FRY: variants seen among roughly 807,000 people sequenced by gnomAD.
The protein encoded by FRY is protein furry homolog.
FRY carries 128 observed loss-of-function variants against 348.4 expected under a neutral mutation model. That is an observed-to-expected ratio of 0.37 (90% CI 0.32 to 0.43). The LOEUF (loss-of-function observed/expected upper bound fraction) is 0.43. Ranked by LOEUF, FRY falls within the 20% of genes least tolerant of loss-of-function variation. FRY has a pLI of 1.00. For missense variants in FRY, 2,736 were observed against 3,695.2 expected (o/e 0.74, Z 6.73); for synonymous variants, 1,370 against 1,374.7 (o/e 1.00, Z 0.08).
intron 3 of FRY, among the ~76,000 whole-genome samples, chr13:32,115,921 C>G (rs74046717): frequency 6.6e-6 from 1 of 151,938 alleles, no homozygotes; most frequent in African/African-American, 2.4e-5. Flanking sequence ...GGAATCATAC[C>G]AATTAAATGA....
intron 31 of FRY, among the ~76,000 whole-genome samples, chr13:32,202,946 CAA>C (rs11354597): frequency 1.4e-3 from 194 of 136,470 alleles, no homozygotes; most frequent in African/African-American, 3.2e-3. Context: ...GAGACAGTCT[CAA>C]AAAAAAAAAA....
intron 59 of FRY, among the ~76,000 whole-genome samples, chr13:32,289,956 C>T (rs962457624): frequency 6.6e-6 from 1 of 152,138 alleles, no homozygotes; most frequent in Non-Finnish European, 1.5e-5. Context: ...TGAGGTGCCT[C>T]AAAATTTAAG....
intron 1 of FRY, among the ~76,000 whole-genome samples, chr13:32,062,881 A>G (rs1593572357): frequency 6.6e-6 from 1 of 152,042 alleles, no homozygotes; most frequent in African/African-American, 2.4e-5. Flanking sequence ...GCATATATAT[A>G]CCATCACATA....
At chr13:32,130,801 A>T (rs1420502975) in intron 7 of FRY, among the ~76,000 whole-genome samples, 2 of 146,058 alleles carry the variant, frequency 1.4e-5, no homozygotes, top group East Asian at 4.2e-4. Flanking sequence ...TATAATTTAA[A>T]TTTTCCCATT....
At position 32,274,852 on chromosome 13, in the gene FRY, A is replaced by G; in HGVS notation, c.8147A>G (p.Lys2716Arg). ...VFSSLFKNIQ[K>R]RFCFLTCDAA... Reference sequence around the variant, plus strand: ...TATTTTGCCTTGCAGAATATTCAGAAAAGGTTCTGCTTCCTAACCTGTGAT... The same window carrying G: ...TATTTTGCCTTGCAGAATATTCAGAGAAGGTTCTGCTTCCTAACCTGTGAT... The change falls in exon 56 of 61, where the codon AAA (lysine) becomes AGA (arginine). Residue 2716 changes from lysine to arginine, a missense_variant. By Grantham distance (26) the Lys-to-Arg change is conservative. Transcript: ENST00000542859. 1 of 1,613,366 alleles carries G rather than the reference A, an allele frequency of 6.2e-7. No individual in the cohort carries two copies. The highest frequency in any genetic ancestry group is 8.5e-7 in the Non-Finnish European group (1 of 1,179,312).
intron 1 of FRY, among the ~76,000 whole-genome samples, chr13:32,069,871 AC>A (rs1874516285): frequency 5.1e-5 from 3 of 58,318 alleles, no homozygotes; most frequent in Non-Finnish European, 1.1e-4. Flanking sequence ...CCAGACCCCC[AC>A]CCCCCAAGAG....
At chr13:32,156,377 A>T (rs1223717967) in intron 15 of FRY, among the ~76,000 whole-genome samples, 1 of 152,088 alleles carries the variant, frequency 6.6e-6, no homozygotes, top group Non-Finnish European at 1.5e-5. Context: ...GGAGGCCGAA[A>T]CTCCACCTGA....
chr13:32,034,307 T>TTA (rs963529718), intron 1 of FRY, among the ~76,000 whole-genome samples: 2 of 152,074 alleles, frequency 1.3e-5, no homozygotes, highest in Non-Finnish European at 2.9e-5. Flanking sequence ...GAAAATGTAA[T>TTA]TATATATATA....
chr13:32,040,396 T>C lies in FRY; in HGVS notation c.70+8531T>C, dbSNP rs148612325. Among the ~76,000 whole-genome samples, 538 of 152,348 alleles carry C rather than the reference T, an allele frequency of 3.5e-3. 4 individuals carry two copies. The highest frequency in any genetic ancestry group is 0.012 in the African/African-American group (516 of 41,578). ...CTGACACTTGTCTGTCACTGATTAATGTGAAGGGTTTTGAATACTTCCACT... is the reference window on the plus strand; with the variant it reads ...CTGACACTTGTCTGTCACTGATTAACGTGAAGGGTTTTGAATACTTCCACT... On this transcript the variant is annotated intron_variant, in intron 1 of 60. Coordinates refer to ENST00000542859, the MANE Select transcript of FRY (RefSeq NM_023037.3).
chr13:32,061,611 T>C (rs758352202), intron 1 of FRY, among the ~76,000 whole-genome samples: 2 of 152,240 alleles, frequency 1.3e-5, no homozygotes, highest in Non-Finnish European at 2.9e-5. Context: ...TGTTTTGTTT[T>C]AAACATTGCA....
chr13:32,251,498 C>G (rs1323262242), intron 49 of FRY, among the ~76,000 whole-genome samples: 1 of 151,516 alleles, frequency 6.6e-6, no homozygotes, highest in African/African-American at 2.4e-5. Flanking sequence ...CTTAAAGAAC[C>G]TAGGGATTTA....
chr13:32,271,197 T>A (rs971082801), intron 55 of FRY, among the ~76,000 whole-genome samples: 1 of 151,958 alleles, frequency 6.6e-6, no homozygotes, highest in Non-Finnish European at 1.5e-5. Flanking sequence ...GGAAAAGGAG[T>A]ACAGTGAAGT....
rs565067802 is a variant in FRY, at chr13:32,061,390, G to A, written c.71-17444G>A. On this transcript the variant is annotated intron_variant, in intron 1 of 60. Coordinates refer to ENST00000542859, the MANE Select transcript of FRY (RefSeq NM_023037.3). ...GGCAAGATGTCCTTTTTGTATACGA[G>A]CCTGTGGAACAGGCAGCCAGGATAC... Among the ~76,000 whole-genome samples the A allele has an allele frequency of 6.6e-5, 10 of 152,314 alleles. No homozygotes were observed. In the South Asian group the frequency reaches 1.9e-3, roughly 28 times the overall value.
chr13:32,098,222 A>T (rs981387638), intron 2 of FRY, among the ~76,000 whole-genome samples: 1 of 152,120 alleles, frequency 6.6e-6, no homozygotes, highest in African/African-American at 2.4e-5. Flanking sequence ...TGGGTAAACA[A>T]ACATTTTCTG....
intron 51 of FRY, among the ~76,000 whole-genome samples, chr13:32,260,710 C>T (rs953546702): frequency 4.0e-5 from 6 of 149,406 alleles, no homozygotes; most frequent in Admixed American, 1.3e-4. Flanking sequence ...CCTGTCTCTA[C>T]TAAAAATACA....
At chr13:32,265,900 C>A (rs990517037) in intron 54 of FRY, among the ~76,000 whole-genome samples, 2 of 152,150 alleles carry the variant, frequency 1.3e-5, no homozygotes, top group Non-Finnish European at 2.9e-5. Context: ...ACCTTGTAAG[C>A]TTTGAAGATA....
At chr13:32,070,178 G>T (rs1248040191) in intron 1 of FRY, among the ~76,000 whole-genome samples, 1 of 152,170 alleles carries the variant, frequency 6.6e-6, no homozygotes, top group African/African-American at 2.4e-5. Context: ...AAACATACAT[G>T]TGCATGTGTC....
rs373382353 is a variant in FRY at position 32,161,105 on chromosome 13, C to T, written c.1785-39C>T. ...ATTCATTTTGTTTTTATTTTCACAG[C>T]TTTTTGACCTATTTTAAAATTTTGT... is the stretch of plus-strand genomic sequence containing the variant. On this transcript the variant is annotated intron_variant, in intron 16 of 60. Coordinates refer to ENST00000542859, the MANE Select transcript of FRY (RefSeq NM_023037.3). The T allele has an allele frequency of 3.9e-6, 5 of 1,277,384 alleles. No homozygotes were observed. The South Asian group carries it at 5.9e-5, about 15-fold the overall frequency. 79.1% of individuals were successfully genotyped at this position (1,277,384 alleles called of 1,614,324 possible).
chr13:32,050,051 G>A (rs1873240640), intron 1 of FRY, among the ~76,000 whole-genome samples: 2 of 152,168 alleles, frequency 1.3e-5, no homozygotes, highest in Non-Finnish European at 2.9e-5. Context: ...TAACACAGTG[G>A]TGTTGTATAG....
Sources: gnomAD v4.1 joint callset for allele counts (sites outside exome capture counted in the v4.1 genomes callset) on GRCh38, gnomAD v4.1.1 for gene constraint, MANE v1.5 for transcripts, NCBI Gene and HGNC (gene_info 2026-07-23, HGNC 2026-07-21) for gene names.